Variants in PRKCA observed in about 807,000 individuals in gnomAD.
The protein encoded by PRKCA is protein kinase C alpha.
A neutral mutation model predicts 87.0 loss-of-function variants in PRKCA; 27 were observed. The ratio of observed to expected loss-of-function variants is 0.31; its 90% CI spans 0.23 to 0.43. PRKCA has a LOEUF of 0.43. Among genes scored for constraint, PRKCA ranks in the 20% least tolerant of loss-of-function variants. PRKCA has a pLI of 1.00. For synonymous variants in PRKCA, 329 were observed against 311.1 expected (o/e 1.06, Z -0.61); for missense variants, 518 against 852.3 (o/e 0.61, Z 4.88).
intron 2 of PRKCA, among the ~76,000 whole-genome samples, chr17:66,467,531 C>CT (rs1303799567): frequency 6.6e-6 from 1 of 152,080 alleles, no homozygotes; most frequent in Non-Finnish European, 1.5e-5. Flanking sequence ...TGCTCTAGTG[C>CT]TTTTAAAAAT....
chr17:66,413,916 A>G (rs574259543), intron 2 of PRKCA, among the ~76,000 whole-genome samples: 1 of 151,856 alleles, frequency 6.6e-6, no homozygotes, highest in East Asian at 1.9e-4. Flanking sequence ...GGGGAGGCTG[A>G]GGCAGGAGAA....
At chr17:66,483,684 A>G (rs1366184390) in intron 2 of PRKCA, among the ~76,000 whole-genome samples, 1 of 151,888 alleles carries the variant, frequency 6.6e-6, no homozygotes, top group Admixed American at 6.6e-5. Flanking sequence ...GATGTTCTCA[A>G]TCTCCTGACC....
At chr17:66,769,077 C>G (rs58856766) in intron 13 of PRKCA, among the ~76,000 whole-genome samples, 12,864 of 152,040 alleles carry the variant, frequency 0.085, 804 homozygotes, top group East Asian at 0.2. Flanking sequence ...TTTAGACTGA[C>G]GGGCTGTGGA....
At chr17:66,754,668 G>C (rs117165788) in intron 13 of PRKCA, among the ~76,000 whole-genome samples, 1 of 152,118 alleles carries the variant, frequency 6.6e-6, no homozygotes, top group African/African-American at 2.4e-5. Context: ...TTTCTTTGAC[G>C]TAACAAGAAA....
At chr17:66,546,053 C>T (rs978294840) in intron 3 of PRKCA, among the ~76,000 whole-genome samples, 27 of 152,114 alleles carry the variant, frequency 1.8e-4, no homozygotes, top group Admixed American at 1.6e-3. Flanking sequence ...AAGTCTAAAA[C>T]GAGTTTCATA....
At chr17:66,482,098 C>CAAAAAA (rs58719328) in intron 2 of PRKCA, among the ~76,000 whole-genome samples, 19 of 89,320 alleles carry the variant, frequency 2.1e-4, no homozygotes, top group Middle Eastern at 7.8e-3. Flanking sequence ...AAGACTGTCT[C>CAAAAAA]AAAAAAAAAA....
chr17:66,613,869 A>G (rs1598814926), intron 3 of PRKCA, among the ~76,000 whole-genome samples: 1 of 125,414 alleles, frequency 8.0e-6, no homozygotes, highest in Non-Finnish European at 1.5e-5. Context: ...TGTAACCTTC[A>G]CCTCCCAGAT....
intron 8 of PRKCA, among the ~76,000 whole-genome samples, chr17:66,724,428 G>A (rs577859909): frequency 1.3e-5 from 2 of 152,250 alleles, no homozygotes; most frequent in South Asian, 4.1e-4. Context: ...GTGGACTGCT[G>A]CTCAGAGCCT....
At chr17:66,764,107 A>G (rs1974745826) in intron 13 of PRKCA, among the ~76,000 whole-genome samples, 1 of 152,172 alleles carries the variant, frequency 6.6e-6, no homozygotes, top group Admixed American at 6.5e-5. Flanking sequence ...GCTCTGTAAC[A>G]TTGGACAAGC....
intron 2 of PRKCA, among the ~76,000 whole-genome samples, chr17:66,365,142 G>A (rs528551419): frequency 2.0e-5 from 3 of 152,276 alleles, no homozygotes; most frequent in African/African-American, 4.8e-5. Flanking sequence ...ATAGGCTCTC[G>A]CCTTTATAAG....
chr17:66,602,113 G>T (rs1275731271), intron 3 of PRKCA, among the ~76,000 whole-genome samples: 2 of 6,726 alleles, frequency 3.0e-4, no homozygotes, highest in African/African-American at 1.7e-3. Context: ...CGAGCTTCCC[G>T]GCTGCTTTGT....
At chr17:66,369,454 C>T (rs779375919) in intron 2 of PRKCA, among the ~76,000 whole-genome samples, 7 of 152,142 alleles carry the variant, frequency 4.6e-5, no homozygotes, top group Non-Finnish European at 8.8e-5. Flanking sequence ...CCTCCTCTTC[C>T]TGTCCTCTTA....
chr17:66,563,951 TTTCCTTCCTTCCTTCCTTCCTTCCTTCC>T (rs202204103), intron 3 of PRKCA, among the ~76,000 whole-genome samples: 13 of 136,688 alleles, frequency 9.5e-5, no homozygotes, highest in Admixed American at 4.5e-4. Flanking sequence ...TTGTTTCTTC[TTTCCTTCCTTCCTTCCTTCCTTCCTTCC>T]TTCCTTCCTT....
At chr17:66,573,652 A>G (rs1334519106) in intron 3 of PRKCA, among the ~76,000 whole-genome samples, 1 of 152,236 alleles carries the variant, frequency 6.6e-6, no homozygotes, top group Non-Finnish European at 1.5e-5. Flanking sequence ...ACAGGCATTT[A>G]CAACAAAGCA....
At chr17:66,615,286 C>T (rs772643198) in intron 3 of PRKCA, among the ~76,000 whole-genome samples, 2 of 152,028 alleles carry the variant, frequency 1.3e-5, no homozygotes, top group Non-Finnish European at 2.9e-5. Context: ...TTTCAGGCCT[C>T]GGTGTGCCCA....
At chr17:66,555,831 T>C (rs766599565) in intron 3 of PRKCA, among the ~76,000 whole-genome samples, 2 of 152,210 alleles carry the variant, frequency 1.3e-5, no homozygotes, top group African/African-American at 2.4e-5. Flanking sequence ...AGGGTTTCCC[T>C]TCCAGTTGCT....
At chr17:66,384,292 T>C (rs1325427390) in intron 2 of PRKCA, among the ~76,000 whole-genome samples, 1 of 152,148 alleles carries the variant, frequency 6.6e-6, no homozygotes, top group Admixed American at 6.6e-5. Context: ...GAAGGCTTGA[T>C]CAGGAATAAA....
chr17:66,460,508 G>T (rs55871928), intron 2 of PRKCA, among the ~76,000 whole-genome samples: 1 of 152,056 alleles, frequency 6.6e-6, no homozygotes, highest in Non-Finnish European at 1.5e-5. Flanking sequence ...TGTTTTGTGC[G>T]TTTTTATTTT....
intron 2 of PRKCA, among the ~76,000 whole-genome samples, chr17:66,423,161 A>C (rs1354828168): frequency 1.3e-5 from 2 of 151,998 alleles, no homozygotes; most frequent in Non-Finnish European, 2.9e-5. Flanking sequence ...AGAACTCTGG[A>C]CTCTGTTAGC....
Sources: gnomAD v4.1 joint callset for allele counts (sites outside exome capture counted in the v4.1 genomes callset) on GRCh38, gnomAD v4.1.1 for gene constraint, MANE v1.5 for transcripts, NCBI Gene and HGNC (gene_info 2026-07-23, HGNC 2026-07-21) for gene names.